ADGRG6: variants seen among roughly 807,000 people sequenced by gnomAD.
The protein encoded by ADGRG6 is G-protein coupled receptor 126.
A neutral mutation model predicts 142.4 loss-of-function variants in ADGRG6; 84 were observed. The ratio of observed to expected loss-of-function variants is 0.59; its 90% confidence interval spans 0.49 to 0.71. The LOEUF (loss-of-function observed/expected upper bound fraction) is 0.71, where lower values mean the gene tolerates loss of function less well. Among genes scored for constraint, ADGRG6 ranks in the 30% least tolerant of loss-of-function variants. The pLI is 0.00. For synonymous variants in ADGRG6, 521 were observed against 520.5 expected (o/e 1.00, Z -0.01); for missense variants, 1,367 against 1,466.6 (o/e 0.93, Z 1.11).
intron 1 of ADGRG6, among the ~76,000 whole-genome samples, chr6:142,307,113 A>T (rs530856991): frequency 1.3e-5 from 2 of 152,284 alleles, no homozygotes; most frequent in South Asian, 4.1e-4. Flanking sequence ...GAGCGCATAA[A>T]CAGTGTTTTG....
chr6:142,385,053 A>G (rs968200230), intron 6 of ADGRG6, among the ~76,000 whole-genome samples: 1 of 151,906 alleles, frequency 6.6e-6, no homozygotes, highest in African/African-American at 2.4e-5. Flanking sequence ...CTAACTAAGT[A>G]TTTCACTCTT....
At chr6:142,313,717 A>G (rs1777881950) in intron 2 of ADGRG6, among the ~76,000 whole-genome samples, 1 of 150,712 alleles carries the variant, frequency 6.6e-6, no homozygotes, top group Non-Finnish European at 1.5e-5. Context: ...TTTTCTTATC[A>G]TAAAATGAAC....
intron 1 of ADGRG6, 123 bp downstream of exon 1, chr6:142,302,454 A>C: frequency 1.9e-6 from 2 of 1,033,872 alleles, no homozygotes; most frequent in Non-Finnish European, 2.8e-6. Flanking sequence ...AACTGCACGG[A>C]GGGAATAAAC....
At chr6:142,323,705 C>T (rs1457431313) in intron 2 of ADGRG6, among the ~76,000 whole-genome samples, 1 of 152,040 alleles carries the variant, frequency 6.6e-6, no homozygotes, top group African/African-American at 2.4e-5. Context: ...AGGCTATAAA[C>T]CTGTTTAACA....
intron 9 of ADGRG6, among the ~76,000 whole-genome samples, chr6:142,395,102 CAA>C (rs1366040277): frequency 6.6e-6 from 1 of 151,474 alleles, no homozygotes; most frequent in Non-Finnish European, 1.5e-5. Context: ...ACTAGAAAAA[CAA>C]ATGTTTTGAA....
At chr6:142,356,075 C>T (rs1780427830) in intron 2 of ADGRG6, among the ~76,000 whole-genome samples, 1 of 152,176 alleles carries the variant, frequency 6.6e-6, no homozygotes, top group Admixed American at 6.5e-5. Context: ...CAGCCCAGTG[C>T]AATTTGAAAT....
At position 142,370,311 on chromosome 6, in the gene ADGRG6, A is replaced by T. The variant is rs1404039353; in HGVS notation, c.587A>T (p.Asp196Val). ...CFEATKVGHE[D>V]SDWTAFSYSN... is the part of the protein sequence containing the mutation. ...GAAGCAACCAAAGTTGGCCATGAAG[A>T]CAGTGATTGGACAGCTTTCTCCTAC... Residue 196 changes from aspartate (D) to valine (V), a missense_variant, in exon 4 of 25, where the codon GAC becomes GTC. By Grantham distance (152) the Asp-to-Val change is radical. This residue lies in a region of ADGRG6 where 737 missense variants were observed against 746.5 expected (regional missense o/e 0.99). Transcript: ENST00000367609. 6.2e-7 allele frequency: 1 copy of T among 1,613,872 alleles called. No individual in the cohort carries two copies. The highest frequency in any genetic ancestry group is 8.5e-7 in the Non-Finnish European group (1 of 1,179,802).
intron 2 of ADGRG6, among the ~76,000 whole-genome samples, chr6:142,338,024 T>TTTTTTTTTTTTTTTTTTTTG (rs1779418994): frequency 5.3e-5 from 2 of 37,586 alleles, no homozygotes; most frequent in African/African-American, 6.9e-5. Flanking sequence ...TTTGTTTTTT[T>TTTTTTTTTTTTTTTTTTTTG]TTTTTTTTTT....
chr6:142,389,750 T>C (rs1774783312), intron 6 of ADGRG6, among the ~76,000 whole-genome samples: 1 of 151,916 alleles, frequency 6.6e-6, no homozygotes, highest in Non-Finnish European at 1.5e-5. Flanking sequence ...AGAAGTATTT[T>C]ATTAAGCAGG....
chr6:142,337,165 C>T (rs1423429501), intron 2 of ADGRG6, among the ~76,000 whole-genome samples: 1 of 152,118 alleles, frequency 6.6e-6, no homozygotes, highest in Admixed American at 6.5e-5. Context: ...AAATAATATG[C>T]TGGTATTTTA....
chr6:142,339,684 G>A (rs1028382251), intron 2 of ADGRG6, among the ~76,000 whole-genome samples: 4 of 152,138 alleles, frequency 2.6e-5, no homozygotes, highest in South Asian at 2.1e-4. Context: ...AGCCATGCTC[G>A]TAGGATGTTT....
In ADGRG6 at chr6:142,443,536, C is replaced by A. The variant is rs769141521; in HGVS notation, c.*21C>A. The A allele has an allele frequency of 1.3e-6, 2 of 1,556,418 alleles. No homozygotes were observed. The highest frequency in any genetic ancestry group is 1.8e-6 in the Non-Finnish European group (2 of 1,135,120). On this transcript the variant is annotated 3_prime_UTR_variant, in exon 25 of 25. Transcript: ENST00000367609. ...TTTAATGTCTTTAAGAAAAAGAAAT[C>A]AATCTGCAGAAATGTGAAGATTTGC...
At chr6:142,399,933 G>A (rs1775416483) in intron 10 of ADGRG6, among the ~76,000 whole-genome samples, 1 of 152,168 alleles carries the variant, frequency 6.6e-6, no homozygotes, top group Admixed American at 6.5e-5. Flanking sequence ...GTCAGATGAT[G>A]TGAGGATAAA....
At position 142,415,074 on chromosome 6, in the gene ADGRG6, C is replaced by T. The variant is rs773418459; in HGVS notation, c.2647C>T (p.Leu883Phe). ...ATCTGCTATTTTTTCAGCAGCAACT[C>T]TCCTGACATATGTTGCTTTTGAGTA... is the stretch of plus-strand genomic sequence containing the variant. ...GISAIFSAAT[L>F]LTYVAFEKLR... The change falls in exon 19 of 25, where the codon CTC (leucine) becomes TTC (phenylalanine). Residue 883 changes from leucine (L) to phenylalanine (F), a missense_variant. Physicochemically the swap from Leu to Phe is conservative, Grantham distance 22 (BLOSUM62 0). This residue lies in a region of ADGRG6 where 286 missense variants were observed against 371.4 expected (regional missense o/e 0.77). Transcript: ENST00000367609. 1 of 1,611,346 alleles carries T rather than the reference C, an allele frequency of 6.2e-7. No homozygotes were observed. The highest frequency in any genetic ancestry group is 1.1e-5 in the South Asian group (1 of 90,754).
At chr6:142,353,933 C>T (rs1263258763) in intron 2 of ADGRG6, among the ~76,000 whole-genome samples, 1 of 152,056 alleles carries the variant, frequency 6.6e-6, no homozygotes, top group Non-Finnish European at 1.5e-5. Context: ...TCTTTCAAAC[C>T]GAAACATTAC....
chr6:142,365,919 T>G (rs924460609), intron 2 of ADGRG6, among the ~76,000 whole-genome samples: 1 of 152,206 alleles, frequency 6.6e-6, no homozygotes, highest in African/African-American at 2.4e-5. Flanking sequence ...GTCAACTCAG[T>G]AAAAGAGGGA....
intron 2 of ADGRG6, among the ~76,000 whole-genome samples, chr6:142,309,942 C>A (rs1777684054): frequency 6.6e-6 from 1 of 151,714 alleles, no homozygotes; most frequent in Non-Finnish European, 1.5e-5. Flanking sequence ...ACATAAATCG[C>A]ATTTAAAAAG....
chr6:142,438,601 T>A (rs1177296779), intron 24 of ADGRG6, among the ~76,000 whole-genome samples: 1 of 152,236 alleles, frequency 6.6e-6, no homozygotes, highest in African/African-American at 2.4e-5. Flanking sequence ...ATATTATTGT[T>A]ACTTCATCAT....
rs1366491144 is a variant in ADGRG6 at position 142,367,650 on chromosome 6, C to G, written c.185C>G (p.Pro62Arg). 1 of 1,613,868 alleles carries G rather than the reference C, an allele frequency of 6.2e-7. No homozygotes were observed. Among genetic ancestry groups the G allele is most frequent in the Non-Finnish European group, 8.5e-7 (1 of 1,179,860 alleles). The change falls in exon 3 of 25, where the codon CCA (proline) becomes CGA (arginine). Residue 62 changes from proline (P) to arginine (R), a missense_variant. By Grantham distance (103) the Pro-to-Arg change is moderately radical. Coordinates refer to ENST00000367609, the MANE Select transcript of ADGRG6 (RefSeq NM_198569.3). Reference protein sequence around the residue: ...FTSPCYPNDYPNSQACMWTLR... With the variant: ...FTSPCYPNDYRNSQACMWTLR... ...TCTCCATGCTACCCTAACGACTACCCAAACAGCCAGGCTTGCATGTGGACG... is the reference window on the plus strand; with the variant it reads ...TCTCCATGCTACCCTAACGACTACCGAAACAGCCAGGCTTGCATGTGGACG...
Sources: gnomAD v4.1 joint callset for allele counts (sites outside exome capture counted in the v4.1 genomes callset) on GRCh38, gnomAD v4.1.1 for gene constraint, gnomAD v4.1.1 regional missense constraint, MANE v1.5 for transcripts, NCBI Gene and HGNC (gene_info 2026-07-23, HGNC 2026-07-21) for gene names.